ZNRF3: variants seen among roughly 807,000 people sequenced by gnomAD.
The protein encoded by ZNRF3 is zinc and ring finger 3.
In ZNRF3, 23 loss-of-function variants were observed where a neutral mutation model predicts 72.5. The observed-to-expected ratio is 0.32, with a 90% CI of 0.23 to 0.45. The LOEUF is 0.45. ZNRF3 is among the 20% of genes least tolerant of loss of function. The pLI, the probability that ZNRF3 is intolerant of heterozygous loss-of-function variation, is 1.00. For missense variants in ZNRF3, 1,169 were observed against 1,272.1 expected (o/e 0.92, Z 1.23); for synonymous variants, 610 against 545.3 (o/e 1.12, Z -1.65).
rs541307295 is a variant in ZNRF3 at position 29,049,455 on chromosome 22, A to G, written c.1274A>G (p.Asp425Gly). 5 of 1,605,180 alleles carry G rather than the reference A, an allele frequency of 3.1e-6. No individual in the cohort carries two copies. Among genetic ancestry groups the G allele is most frequent in the South Asian group, 1.1e-5 (1 of 90,968 alleles). The change falls in exon 8 of 9, where the codon GAC (aspartate) becomes GGC (glycine). Residue 425 changes from aspartate to glycine, a missense_variant. Around this residue, in one of 2 missense-constraint regions of ZNRF3, gnomAD observed 783 missense variants for 731.4 expected, o/e 1.07. Coordinates refer to ENST00000544604, the MANE Select transcript of ZNRF3 (RefSeq NM_001206998.2). The surrounding 1 kb of genome is among the most constrained non-coding windows in gnomAD (Gnocchi z 5.2). ...YIRSYPPLHL[D>G]HSLAAHRCGL... is the part of the protein sequence containing the mutation. ...CGCAGCTACCCACCCCTCCACCTGGACCACAGCCTGGCCGCTCACCGCTGC... is the reference window on the plus strand; with the variant it reads ...CGCAGCTACCCACCCCTCCACCTGGGCCACAGCCTGGCCGCTCACCGCTGC...
intron 5 of ZNRF3, among the ~76,000 whole-genome samples, chr22:29,046,139 G>A (rs1281531069): frequency 6.6e-6 from 1 of 152,194 alleles, no homozygotes. Flanking sequence ...CGGGTAGGGG[G>A]TGGTGAGAGG....
chr22:29,005,990 C>T lies in ZNRF3; in HGVS notation c.426+18789C>T, dbSNP rs1369591820. On this transcript the variant is annotated intron_variant, in intron 2 of 8. Transcript: ENST00000544604. ...CAGAGGTTGCAGTGAGCTGAGATTG[C>T]GCCATTGCACTCCAGCCTGGGCAAC... Among the ~76,000 whole-genome samples the T allele has an allele frequency of 7.3e-5, 11 of 151,184 alleles. No homozygotes were observed. The South Asian group carries it at 1.9e-3, about 26-fold the overall frequency.
intron 1 of ZNRF3, among the ~76,000 whole-genome samples, chr22:28,960,945 T>A (rs2123803085): frequency 6.6e-6 from 1 of 152,340 alleles, no homozygotes; most frequent in South Asian, 2.1e-4. Context: ...TCTCAATTTA[T>A]CATGTTGCTG....
chr22:28,938,827 TA>T (rs1392790832), intron 1 of ZNRF3, among the ~76,000 whole-genome samples: 2 of 152,226 alleles, frequency 1.3e-5, no homozygotes, highest in South Asian at 2.1e-4. Flanking sequence ...TCGGATACCT[TA>T]AAAAATCCAC....
At chr22:28,972,602 C>A (rs1656854943) in intron 1 of ZNRF3, among the ~76,000 whole-genome samples, 1 of 152,150 alleles carries the variant, frequency 6.6e-6, no homozygotes, top group South Asian at 2.1e-4. Context: ...GCCATGTTTT[C>A]TTTTCTCTTG....
intron 2 of ZNRF3, among the ~76,000 whole-genome samples, chr22:29,002,741 C>G (rs2036170807): frequency 6.6e-6 from 1 of 152,194 alleles, no homozygotes; most frequent in Non-Finnish European, 1.5e-5. Flanking sequence ...ACAGGCAGTG[C>G]AGGGACCTTC....
chr22:29,003,959 T>C (rs2036197254), intron 2 of ZNRF3, among the ~76,000 whole-genome samples: 1 of 152,264 alleles, frequency 6.6e-6, no homozygotes, highest in Admixed American at 6.5e-5. Flanking sequence ...AAATTGCCTG[T>C]TTTGGGCAAT....
intron 1 of ZNRF3, among the ~76,000 whole-genome samples, chr22:28,979,998 A>G (rs1222276564): frequency 6.6e-6 from 1 of 152,256 alleles, no homozygotes; most frequent in Non-Finnish European, 1.5e-5. Context: ...TGGACATGAC[A>G]GGTCTAGAGA....
intron 1 of ZNRF3, among the ~76,000 whole-genome samples, chr22:28,966,889 T>TTTTTTTTTTTTTG (rs1555975724): frequency 2.0e-5 from 3 of 147,412 alleles, no homozygotes; most frequent in African/African-American, 7.6e-5. Context: ...TTTTTTTTTT[T>TTTTTTTTTTTTTG]GAGATGGAGT....
intron 2 of ZNRF3, chr22:29,026,951 G>A (rs2036648026): frequency 6.6e-6 from 1 of 152,376 alleles, no homozygotes; most frequent in African/African-American, 2.4e-5. Flanking sequence ...CTGAGGTAGA[G>A]TAGCATAAGT....
chr22:29,053,686 AAAAAACAAAAACAAAAAATTTT>A lies in ZNRF3; in HGVS notation c.*65_*86del, dbSNP rs1241693795. The A allele has an allele frequency of 1.3e-6, 2 of 1,512,768 alleles. No individual in the cohort carries two copies. Among genetic ancestry groups the A allele is most frequent in the Non-Finnish European group, 1.8e-6 (2 of 1,119,310 alleles). 93.7% of individuals were successfully genotyped at this position (1,512,768 alleles called of 1,614,324 possible). Reference sequence around the variant, plus strand: ...TGGAGACTCCAAACTGACTTCTTTCAAAAAACAAAAACAAAAAATTTTTTTAGCTTTGACAAACACACAAAAG... The same window carrying A: ...TGGAGACTCCAAACTGACTTCTTTCATTTAGCTTTGACAAACACACAAAAG... On this transcript the variant is annotated 3_prime_UTR_variant, in exon 9 of 9. Coordinates refer to ENST00000544604, the MANE Select transcript of ZNRF3 (RefSeq NM_001206998.2).
At chr22:28,899,791 A>G (rs1278536554) in intron 1 of ZNRF3, among the ~76,000 whole-genome samples, 1 of 150,612 alleles carries the variant, frequency 6.6e-6, no homozygotes, top group Non-Finnish European at 1.5e-5. Context: ...CTAGGCTCAA[A>G]CGATCCTCCC....
intron 2 of ZNRF3, among the ~76,000 whole-genome samples, chr22:29,041,317 G>T (rs190155988): frequency 6.6e-6 from 1 of 152,134 alleles, no homozygotes; most frequent in East Asian, 1.9e-4. Context: ...TAATTTTTCT[G>T]TTATTTTTTA....
intron 1 of ZNRF3, among the ~76,000 whole-genome samples, chr22:28,962,111 A>G (rs1194769927): frequency 6.6e-6 from 1 of 152,214 alleles, no homozygotes; most frequent in Non-Finnish European, 1.5e-5. Context: ...GGCTATTTAA[A>G]TTTGAGTTAA....
chr22:28,935,942 C>T lies in ZNRF3; in HGVS notation c.301-51134C>T, dbSNP rs117733896. Among the ~76,000 whole-genome samples the T allele has an allele frequency of 6.3e-3, 953 of 152,216 alleles. 4 individuals carry two copies. The highest frequency in any genetic ancestry group is 9.0e-3 in the Non-Finnish European group (613 of 68,012). The stretch of plus-strand genomic sequence containing the variant: ...TACTTCCCATCCATCACCACCAGGG[C>T]ATATTGAACCCCTCTGGCAGGCTCT... On this transcript the variant is annotated intron_variant, in intron 1 of 8. Coordinates refer to ENST00000544604, the MANE Select transcript of ZNRF3 (RefSeq NM_001206998.2).
chr22:28,965,870 G>A (rs2035449978), intron 1 of ZNRF3, among the ~76,000 whole-genome samples: 3 of 152,248 alleles, frequency 2.0e-5, no homozygotes, highest in Admixed American at 1.3e-4. Context: ...AGATGTGACA[G>A]TGGACATGAA....
chr22:29,031,690 G>A, intron 2 of ZNRF3: 2 of 952,088 alleles, frequency 2.1e-6, no homozygotes, highest in Non-Finnish European at 2.5e-6. Flanking sequence ...AGGACTCAAA[G>A]AGCCTGGGCT....
At chr22:29,047,727 C>G (rs1195420799) in intron 6 of ZNRF3, among the ~76,000 whole-genome samples, 1 of 152,174 alleles carries the variant, frequency 6.6e-6, no homozygotes, top group Non-Finnish European at 1.5e-5. Context: ...CTGTACTAGA[C>G]AGGTCAGAAA....
At chr22:28,938,098 A>G (rs2034874478) in intron 1 of ZNRF3, among the ~76,000 whole-genome samples, 1 of 152,182 alleles carries the variant, frequency 6.6e-6, no homozygotes, top group Non-Finnish European at 1.5e-5. Flanking sequence ...CAAATATCAG[A>G]AATACATAAT....
Sources: allele counts gnomAD v4.1 joint callset (sites outside exome capture counted in the v4.1 genomes callset), GRCh38; gene constraint gnomAD v4.1.1; regional missense constraint gnomAD v4.1.1; non-coding constraint Gnocchi (gnomAD v3.1); transcripts MANE v1.5; gene names NCBI Gene and HGNC (gene_info 2026-07-23, HGNC 2026-07-21).